SCFD1: variants seen among roughly 807,000 people sequenced by gnomAD.
SCFD1 encodes sec1 family domain-containing protein 1.
In SCFD1, 37 loss-of-function variants were observed where a neutral mutation model predicts 103.2. That is an observed-to-expected ratio of 0.36 (90% CI 0.28 to 0.47). SCFD1 has a LOEUF of 0.47. SCFD1 is among the 20% of genes least tolerant of loss of function. The pLI is 1.00. For missense variants in SCFD1, 639 were observed against 761.2 expected (o/e 0.84, Z 1.89); for synonymous variants, 264 against 245.0 (o/e 1.08, Z -0.73).
At chr14:30,650,535 TAA>T (rs1461441684) in intron 8 of SCFD1, 28 bp from the exon 9 acceptor site, 4 of 1,275,164 alleles carry the variant, frequency 3.1e-6, no homozygotes, top group African/African-American at 3.0e-5. Flanking sequence ...ATGAAACTGT[TAA>T]GAGTTAATCT....
At chr14:30,673,394 A>G (rs763999363) in intron 12 of SCFD1, 47 bp downstream of exon 12, 1 of 1,006,620 alleles carries the variant, frequency 9.9e-7, no homozygotes, top group Admixed American at 2.3e-5. Context: ...GAGGAGGATT[A>G]TCTGTTAGAT....
Position 30,693,609 on chromosome 14 carries a change from T to C in SCFD1, c.1243-1164T>C, listed in dbSNP as rs575297910. 3.0e-4 allele frequency among the ~76,000 whole-genome samples: 46 copies of C among 152,318 alleles called. 1 individual carries two copies. Among genetic ancestry groups the C allele is most frequent in the African/African-American group, 1.1e-3 (46 of 41,582 alleles). On this transcript the variant is annotated intron_variant, in intron 14 of 24. Coordinates refer to ENST00000458591, the MANE Select transcript of SCFD1 (RefSeq NM_016106.4). ...CTATATCTATGTCCCTAAATCACTT[T>C]CAAACTTCAACTCAAAATATATCAC...
In SCFD1 at chr14:30,708,026, T is replaced by C. The variant is rs1242364548; in HGVS notation, c.1590T>C (p.Phe530=). The C allele has an allele frequency of 3.3e-5, 53 of 1,613,328 alleles. No individual in the cohort carries two copies. The highest frequency in any genetic ancestry group is 3.8e-5 in the Non-Finnish European group (45 of 1,179,480). ...LSRVMNTGSQ[F]VMEGVKNLVL... The stretch of plus-strand genomic sequence containing the variant: ...GAGTCATGAATACAGGATCACAGTT[T>C]GTGATGGAAGGAGTGAAGAACCTGG... The change falls in exon 19 of 25, where the codon TTT becomes TTC. Residue 530 remains phenylalanine, a synonymous_variant. Transcript: ENST00000458591.
intron 7 of SCFD1, among the ~76,000 whole-genome samples, chr14:30,646,924 C>G (rs11623154): frequency 0.33 from 49,402 of 151,838 alleles, 9,126 homozygotes; most frequent in East Asian, 0.62. Flanking sequence ...TAGTCTCTGA[C>G]GGTTTTTTAT....
Position 30,707,976 on chromosome 14 carries a change from T to C in SCFD1, c.1554-14T>C, listed in dbSNP as rs1430365973. Reference sequence around the variant, plus strand: ...TTGTACTTAGAATGGTCCTTCTCTTTTGCCCCTACCTAGTCTTTTATCACG... The same window carrying C: ...TTGTACTTAGAATGGTCCTTCTCTTCTGCCCCTACCTAGTCTTTTATCACG... On this transcript the variant is annotated splice_polypyrimidine_tract_variant and intron_variant, in intron 18 of 24. Coordinates refer to ENST00000458591, the MANE Select transcript of SCFD1 (RefSeq NM_016106.4). 6.3e-7 allele frequency: 1 copy of C among 1,594,202 alleles called. No homozygotes were observed. Among genetic ancestry groups the C allele is most frequent in the East Asian group, 2.2e-5 (1 of 44,734 alleles).
chr14:30,707,877 G>T (rs1428148224), intron 18 of SCFD1, 113 bp from the exon 19 acceptor site: 6 of 798,928 alleles, frequency 7.5e-6, no homozygotes, highest in Admixed American at 6.9e-5. Context: ...AACAAAGGTG[G>T]TAGGTACAGC....
chr14:30,705,315 G>C (rs953046929), intron 17 of SCFD1, among the ~76,000 whole-genome samples: 11 of 152,164 alleles, frequency 7.2e-5, no homozygotes, highest in Admixed American at 3.3e-4. Context: ...CATGTACCTG[G>C]AAACAAGGGA....
chr14:30,699,268 T>TA (rs1164107192), intron 15 of SCFD1, among the ~76,000 whole-genome samples: 3 of 152,198 alleles, frequency 2.0e-5, no homozygotes, highest in South Asian at 2.1e-4. Flanking sequence ...CCAAATCATA[T>TA]AAAAAATAAG....
At chr14:30,646,605 T>C (rs966322130) in intron 7 of SCFD1, among the ~76,000 whole-genome samples, 2 of 152,050 alleles carry the variant, frequency 1.3e-5, no homozygotes, top group African/African-American at 4.8e-5. Flanking sequence ...CTCTGCTAGG[T>C]TTTGGTATGA....
rs541065393 is a variant in SCFD1, at chr14:30,707,845, C to A, written c.1554-145C>A. ...TGATACCCATGGCAGCAGAAATTCTCAAGACCCTTCTGTTTAGTGAAAACA... is the reference window on the plus strand; with the variant it reads ...TGATACCCATGGCAGCAGAAATTCTAAAGACCCTTCTGTTTAGTGAAAACA... On this transcript the variant is annotated intron_variant, in intron 18 of 24. Coordinates refer to ENST00000458591, the MANE Select transcript of SCFD1 (RefSeq NM_016106.4). 8.2e-6 allele frequency: 6 copies of A among 732,786 alleles called. No individual in the cohort carries two copies. The South Asian group carries it at 8.5e-5, about 10-fold the overall frequency. 45.4% of individuals were successfully genotyped at this position (732,786 alleles called of 1,614,324 possible). A position where few individuals can be genotyped will look rare whatever the true frequency, so the allele number is the denominator to read the frequency against.
chr14:30,725,445 A>G (rs945858791), intron 23 of SCFD1, among the ~76,000 whole-genome samples: 28 of 152,034 alleles, frequency 1.8e-4, no homozygotes, highest in African/African-American at 6.5e-4. Flanking sequence ...TTTTTGTGGC[A>G]ATTGTGAATG....
intron 7 of SCFD1, among the ~76,000 whole-genome samples, chr14:30,644,191 T>C (rs984810516): frequency 6.6e-6 from 1 of 152,234 alleles, no homozygotes; most frequent in Admixed American, 6.5e-5. Context: ...TCTTTTTTTA[T>C]GGCTCTATAA....
chr14:30,658,775 A>G (rs970738455), intron 10 of SCFD1, among the ~76,000 whole-genome samples: 1 of 152,220 alleles, frequency 6.6e-6, no homozygotes, highest in Non-Finnish European at 1.5e-5. Context: ...TGTGATTGCA[A>G]TGTAACAGGT....
At chr14:30,730,448 T>C (rs1050961390) in intron 23 of SCFD1, among the ~76,000 whole-genome samples, 2 of 152,236 alleles carry the variant, frequency 1.3e-5, no homozygotes, top group Non-Finnish European at 2.9e-5. Context: ...TCTTCCCCAA[T>C]GGTTGAACTA....
At chr14:30,645,189 A>T (rs1032418052) in intron 7 of SCFD1, among the ~76,000 whole-genome samples, 9 of 152,068 alleles carry the variant, frequency 5.9e-5, no homozygotes, top group Admixed American at 2.0e-4. Context: ...CCATTGGTCC[A>T]TGTGTCTGTT....
chr14:30,714,816 C>T (rs1279019019), intron 19 of SCFD1, among the ~76,000 whole-genome samples: 1 of 152,142 alleles, frequency 6.6e-6, no homozygotes, highest in Non-Finnish European at 1.5e-5. Context: ...ACATCCTGTA[C>T]AATTCACAAA....
At chr14:30,694,681 T>C in intron 14 of SCFD1, 92 bp from the exon 15 acceptor site, 1 of 1,424,404 alleles carries the variant, frequency 7.0e-7, no homozygotes. Context: ...ATCTTAAAAT[T>C]GATCATAGAA....
At chr14:30,701,599 C>G (rs1891084705) in intron 16 of SCFD1, among the ~76,000 whole-genome samples, 1 of 151,920 alleles carries the variant, frequency 6.6e-6, no homozygotes, top group Non-Finnish European at 1.5e-5. Flanking sequence ...ACCTATATAT[C>G]TCAGGGTATT....
intron 23 of SCFD1, chr14:30,722,958 T>A (rs1045937035): frequency 6.5e-6 from 1 of 152,986 alleles, no homozygotes; most frequent in South Asian, 2.1e-4. Context: ...CAAACTTGGA[T>A]TTTTTTGTTT....
Sources: gnomAD v4.1 joint callset for allele counts (sites outside exome capture counted in the v4.1 genomes callset) on GRCh38, gnomAD v4.1.1 for gene constraint, MANE v1.5 for transcripts, NCBI Gene and HGNC (gene_info 2026-07-23, HGNC 2026-07-21) for gene names.